The following ZNF570 variants were observed in gnomAD, a reference collection of about 807,000 sequenced individuals.
ZNF570 encodes the protein zinc finger protein 570.
A neutral mutation model predicts 14.2 loss-of-function variants in ZNF570; 8 were observed. The ratio of observed to expected loss-of-function variants is 0.56; its 90% CI spans 0.33 to 1.02. The LOEUF (loss-of-function observed/expected upper bound fraction) is 1.02, where lower values mean the gene tolerates loss of function less well. Ranked by LOEUF, ZNF570 falls within the 50% of genes least tolerant of loss-of-function variation. ZNF570 has a pLI of 0.03. For missense variants in ZNF570, 559 were observed against 624.9 expected (o/e 0.89, Z 1.12); for synonymous variants, 202 against 207.6 (o/e 0.97, Z 0.23).
rs1476982068 is a variant in ZNF570 at position 37,486,726 on chromosome 19, A to AT, written c.*1494dup. The stretch of plus-strand genomic sequence containing the variant: ...TGTTATGAAGTCAGGTAGTGGAACT[A>AT]TAACACTGACAGCCAGTTTTAGGAA... On this transcript the variant is annotated 3_prime_UTR_variant, in exon 5 of 5. Coordinates refer to ENST00000330173, the MANE Select transcript of ZNF570 (RefSeq NM_144694.5). 6.6e-6 allele frequency: 1 copy of AT among 152,258 alleles called. No individual in the cohort carries two copies. The highest frequency in any genetic ancestry group is 1.9e-4 in the East Asian group (1 of 5,204). The allele number at this position is 152,258 out of a possible 1,614,324, so 9.4% of individuals were successfully genotyped here.
chr19:37,471,114 C>CA (rs2041956436), intron 2 of ZNF570, among the ~76,000 whole-genome samples: 1 of 146,676 alleles, frequency 6.8e-6, no homozygotes, highest in Non-Finnish European at 1.5e-5. Context: ...CCCAGGTTCA[C>CA]ACCATTCTCC....
At chr19:37,478,235 GTT>G (rs2042048768) in intron 4 of ZNF570, among the ~76,000 whole-genome samples, 1 of 151,852 alleles carries the variant, frequency 6.6e-6, no homozygotes, top group African/African-American at 2.4e-5. Flanking sequence ...ATTTATTTAG[GTT>G]TTTTCACTTT....
At chr19:37,470,183 A>T (rs187220994) in intron 1 of ZNF570, 121 bp from the exon 2 acceptor site, 6 of 812,914 alleles carry the variant, frequency 7.4e-6, no homozygotes, top group Non-Finnish European at 1.2e-5. Context: ...GGTCTCCATT[A>T]TGCTCTCTCT....
upstream of ZNF570, chr19:37,469,297 C>G (rs2041910968): frequency 7.1e-7 from 1 of 1,415,564 alleles, no homozygotes; most frequent in East Asian, 2.6e-5. Flanking sequence ...CCCAGCGGAC[C>G]CCGCGGGAGT....
At chr19:37,482,092 A>G (rs1310679486) in intron 4 of ZNF570, among the ~76,000 whole-genome samples, 1 of 152,168 alleles carries the variant, frequency 6.6e-6, no homozygotes, top group Non-Finnish European at 1.5e-5. Context: ...TATCTGTATT[A>G]TAGCATATGT....
At position 37,487,581 on chromosome 19, in the gene ZNF570, C is replaced by T. The variant is rs2042169686; in HGVS notation, c.*2348C>T. On this transcript the variant is annotated 3_prime_UTR_variant, in exon 5 of 5. Transcript: ENST00000330173. ...CTAAACGCAGAAAACGGAAGAGTAA[C>T]AAGAAACTAAATCAAGGAGCATTAT... 6.6e-6 allele frequency: 1 copy of T among 152,058 alleles called. No individual in the cohort carries two copies. Among genetic ancestry groups the T allele is most frequent in the Non-Finnish European group, 1.5e-5 (1 of 68,010 alleles). 9.4% of individuals were successfully genotyped at this position (152,058 alleles called of 1,614,324 possible). A position where few individuals can be genotyped will look rare whatever the true frequency, so the allele number is the denominator to read the frequency against.
chr19:37,484,731 G>A lies in ZNF570; in HGVS notation c.1109G>A (p.Arg370His), dbSNP rs146360083. 1.1e-5 allele frequency: 18 copies of A among 1,613,956 alleles called. 1 individual carries two copies. The highest frequency in any genetic ancestry group is 3.3e-5 in the South Asian group (3 of 91,076). Residue 370 changes from arginine to histidine, a missense_variant, in exon 5 of 5, where the codon CGT (arginine) becomes CAT (histidine). Physicochemically the swap from Arg to His is conservative, Grantham distance 29 (BLOSUM62 0). Transcript: ENST00000330173. ...GTCTGTGGGAAAGCATTTAGCCTTC[G>A]TGCATACCTTACTGTACATCAGAGA... ...CNVCGKAFSL[R>H]AYLTVHQRIH...
At chr19:37,478,661 A>T (rs1046957484) in intron 4 of ZNF570, among the ~76,000 whole-genome samples, 1 of 151,218 alleles carries the variant, frequency 6.6e-6, no homozygotes, top group African/African-American at 2.4e-5. Flanking sequence ...AATAATTTTG[A>T]TGCTTAAAAG....
chr19:37,484,420 G>A lies in ZNF570; in HGVS notation c.798G>A (p.Arg266=), dbSNP rs2042124628. 1.9e-6 allele frequency: 3 copies of A among 1,613,862 alleles called. No homozygotes were observed. Among genetic ancestry groups the A allele is most frequent in the Non-Finnish European group, 2.5e-6 (3 of 1,179,954 alleles). The change falls in exon 5 of 5, where the codon AGG becomes AGA. Residue 266 remains arginine, a synonymous_variant. Transcript: ENST00000330173. Reference sequence around the variant, plus strand: ...GATCAAATCTTGTTCAACATCAGAGGATTCATACTGGAGAAAAACCCTATG... The same window carrying A: ...GATCAAATCTTGTTCAACATCAGAGAATTCATACTGGAGAAAAACCCTATG... ...SQRSNLVQHQ[R]IHTGEKPYEC...
chr19:37,483,600 T>C (rs1216629582), intron 4 of ZNF570, among the ~76,000 whole-genome samples: 2 of 152,234 alleles, frequency 1.3e-5, no homozygotes, highest in Non-Finnish European at 2.9e-5. Context: ...GTCTATTTTA[T>C]GAATACAGGC....
chr19:37,482,466 A>G (rs2042097779), intron 4 of ZNF570, among the ~76,000 whole-genome samples: 1 of 152,202 alleles, frequency 6.6e-6, no homozygotes, highest in African/African-American at 2.4e-5. Context: ...ACACTTTTAA[A>G]GGACCAGATC....
At chr19:37,475,378 G>A (rs992499393) in intron 2 of ZNF570, among the ~76,000 whole-genome samples, 3 of 152,174 alleles carry the variant, frequency 2.0e-5, no homozygotes, top group Non-Finnish European at 2.9e-5. Flanking sequence ...AATTTTAATG[G>A]AATTGATGCT....
At chr19:37,479,505 A>T (rs1270911416) in intron 4 of ZNF570, among the ~76,000 whole-genome samples, 1 of 152,114 alleles carries the variant, frequency 6.6e-6, no homozygotes, top group Admixed American at 6.5e-5. Flanking sequence ...CATTAGGTTA[A>T]GCTCATTAAC....
upstream of ZNF570, chr19:37,469,282 C>A (rs1420070978): frequency 2.8e-6 from 4 of 1,411,974 alleles, no homozygotes; most frequent in Non-Finnish European, 3.7e-6. Context: ...CTCCGGACTA[C>A]GTTTCCCAGC....
rs770139363 is a variant in ZNF570, at chr19:37,485,139, C to T, written c.1517C>T (p.Thr506Ile). 1.9e-5 allele frequency: 30 copies of T among 1,611,052 alleles called. 1 individual carries two copies. In the South Asian group the frequency reaches 3.1e-4, roughly 17 times the overall value. Residue 506 changes from threonine to isoleucine, a missense_variant, in exon 5 of 5, where the codon ACC (threonine) becomes ATC (isoleucine). By Grantham distance (89) the Thr-to-Ile change is moderately conservative. Coordinates refer to ENST00000330173, the MANE Select transcript of ZNF570 (RefSeq NM_144694.5). ...RPYECKECKK[T>I]FRQHAHLAHH... ...TATGAATGTAAGGAATGCAAAAAAACCTTCAGGCAGCATGCACACCTTGCT... is the reference window on the plus strand; with the variant it reads ...TATGAATGTAAGGAATGCAAAAAAATCTTCAGGCAGCATGCACACCTTGCT...
rs2042019548 is a variant in ZNF570 at position 37,476,008 on chromosome 19, G to T, written c.160+1G>T. The T allele has an allele frequency of 1.9e-6, 3 of 1,603,444 alleles. No homozygotes were observed. The highest frequency in any genetic ancestry group is 2.6e-6 in the Non-Finnish European group (3 of 1,175,986). On this transcript the variant is annotated splice_donor_variant, in intron 3 of 4. Coordinates refer to ENST00000330173, the MANE Select transcript of ZNF570 (RefSeq NM_144694.5). LOFTEE classifies it high-confidence loss of function. ...AACTACAGGATCTTGGTATCACTGG[G>T]TAAGGATATCTTCTTGCAAAACTGA...
At chr19:37,481,328 AT>A (rs2042085823) in intron 4 of ZNF570, among the ~76,000 whole-genome samples, 1 of 151,642 alleles carries the variant, frequency 6.6e-6, no homozygotes, top group Admixed American at 6.6e-5. Context: ...AATTTTTTGT[AT>A]TTTTAGTAGA....
chr19:37,468,700 G>T (rs1034577014), upstream of ZNF570, among the ~76,000 whole-genome samples: 2 of 152,158 alleles, frequency 1.3e-5, no homozygotes, highest in Non-Finnish European at 2.9e-5. Context: ...TAGAGACGGG[G>T]TTTCACCATG....
chr19:37,476,404 AAG>A lies in ZNF570; in HGVS notation c.233_234del (p.Glu78AlafsTer14), dbSNP rs756485651. On this transcript the variant is annotated frameshift_variant, in exon 4 of 5. Coordinates refer to ENST00000330173, the MANE Select transcript of ZNF570 (RefSeq NM_144694.5). LOFTEE classifies it low-confidence loss of function (END_TRUNC). Reference sequence around the variant, plus strand: ...ACAAGGAAAAGCACCCTGGATGGTGAAGAGAGAGCTGACAAAAGGCTTGTGCT... The same window carrying A: ...ACAAGGAAAAGCACCCTGGATGGTGAAGAGAGCTGACAAAAGGCTTGTGCT... ...LEQGKAPWMV[K>X]RELTKGLCSG... The A allele has an allele frequency of 6.2e-7, 1 of 1,614,076 alleles. No homozygotes were observed. The highest frequency in any genetic ancestry group is 1.1e-5 in the South Asian group (1 of 91,078).
Sources: gnomAD v4.1 joint callset for allele counts (sites outside exome capture counted in the v4.1 genomes callset) on GRCh38, gnomAD v4.1.1 for gene constraint, MANE v1.5 for transcripts, NCBI Gene and HGNC (gene_info 2026-07-23, HGNC 2026-07-21) for gene names.